Variants in FKBP1B observed in about 807,000 individuals in gnomAD.
The protein encoded by FKBP1B is FKBP prolyl isomerase 1B.
A neutral mutation model predicts 13.5 loss-of-function variants in FKBP1B; 4 were observed. The observed-to-expected ratio is 0.30, with a 90% CI of 0.15 to 0.68. FKBP1B has a LOEUF of 0.68. Among genes scored for constraint, FKBP1B ranks in the 30% least tolerant of loss-of-function variants. The pLI is 0.76. For synonymous variants in FKBP1B, 54 were observed against 53.6 expected (o/e 1.01, Z -0.03); for missense variants, 93 against 136.2 (o/e 0.68, Z 1.58).
upstream of FKBP1B, chr2:24,049,678 G>T: frequency 2.3e-6 from 1 of 428,254 alleles, no homozygotes; most frequent in East Asian, 3.6e-5. Flanking sequence ...CCGCCCCGCC[G>T]CCCCCTTGCC....
intron 2 of FKBP1B, among the ~76,000 whole-genome samples, chr2:24,059,427 T>C (rs1282576091): frequency 2.0e-5 from 3 of 151,588 alleles, no homozygotes; most frequent in Non-Finnish European, 1.5e-5. Flanking sequence ...GGAGGCCACC[T>C]CTGACCAGCT....
At chr2:24,049,484 G>C (rs1406843055), upstream of FKBP1B, 2 of 219,540 alleles carry the variant, frequency 9.1e-6, no homozygotes, top group African/African-American at 4.5e-5. Context: ...CTACAGATTA[G>C]ATGCTAAATA....
upstream of FKBP1B, among the ~76,000 whole-genome samples, chr2:24,047,057 T>C (rs972765515): frequency 5.3e-5 from 8 of 152,148 alleles, no homozygotes; most frequent in African/African-American, 1.9e-4. Context: ...TTCCTGACTT[T>C]GGATGACTTC....
upstream of FKBP1B, among the ~76,000 whole-genome samples, chr2:24,048,745 C>G (rs572952625): frequency 2.1e-3 from 314 of 152,148 alleles, no homozygotes; most frequent in African/African-American, 7.4e-3. Flanking sequence ...TTCTAGATTC[C>G]TGAATGTATT....
chr2:24,051,110 C>T (rs1054177225), intron 1 of FKBP1B, among the ~76,000 whole-genome samples: 9 of 152,024 alleles, frequency 5.9e-5, no homozygotes, highest in African/African-American at 1.2e-4. Context: ...CTGAGGCGGG[C>T]GGATCACAAG....
chr2:24,060,799 T>A lies in FKBP1B; in HGVS notation c.86-15T>A. The A allele has an allele frequency of 1.9e-6, 3 of 1,604,260 alleles. No homozygotes were observed. Among genetic ancestry groups the A allele is most frequent in the Non-Finnish European group, 2.6e-6 (3 of 1,171,126 alleles). Reference sequence around the variant, plus strand: ...ATGACCACAGCTCTATTGCACCCGATTCTTGCTTTGACAGGAATGCTCCAA... The same window carrying A: ...ATGACCACAGCTCTATTGCACCCGAATCTTGCTTTGACAGGAATGCTCCAA... On this transcript the variant is annotated splice_polypyrimidine_tract_variant and intron_variant, in intron 2 of 3. Coordinates refer to ENST00000380986, the MANE Select transcript of FKBP1B (RefSeq NM_004116.5).
chr2:24,051,227 G>C (rs928072426), intron 1 of FKBP1B, among the ~76,000 whole-genome samples: 10 of 152,024 alleles, frequency 6.6e-5, no homozygotes, highest in African/African-American at 2.4e-4. Flanking sequence ...CCAGCTACTC[G>C]GGAGGCTGGG....
chr2:24,034,308 C>T, the FKBP1B span, among the ~76,000 whole-genome samples: 219 of 152,254 alleles, frequency 1.4e-3, 2 homozygotes, highest in African/African-American at 4.6e-3. Context: ...GTAATCCCAA[C>T]TACCTGGGTG....
At chr2:24,045,127 T>G (rs1452709413), upstream of FKBP1B, among the ~76,000 whole-genome samples, 1 of 152,164 alleles carries the variant, frequency 6.6e-6, no homozygotes, top group Non-Finnish European at 1.5e-5. Flanking sequence ...TGAAGCAAGT[T>G]TGCAACTATT....
chr2:24,038,220 G>C, the FKBP1B span: 1 of 1,614,172 alleles, frequency 6.2e-7, no homozygotes, highest in Non-Finnish European at 8.5e-7. Context: ...TAACAATCAA[G>C]CTAATGGCAT....
At chr2:24,035,094 A>G in the FKBP1B span, among the ~76,000 whole-genome samples, 18 of 151,904 alleles carry the variant, frequency 1.2e-4, no homozygotes, top group Admixed American at 3.3e-4. Context: ...ATATTTAGCT[A>G]TATCTGTGAT....
intron 2 of FKBP1B, among the ~76,000 whole-genome samples, chr2:24,055,110 A>G (rs1366096794): frequency 1.3e-5 from 2 of 152,102 alleles, no homozygotes; most frequent in African/African-American, 4.8e-5. Flanking sequence ...AGAACATACA[A>G]GCATAGAACC....
At chr2:24,036,213 T>C in the FKBP1B span, among the ~76,000 whole-genome samples, 3 of 150,186 alleles carry the variant, frequency 2.0e-5, no homozygotes, top group East Asian at 6.0e-4. Flanking sequence ...TTTAAAAAAA[T>C]GTAGGGTTGG....
chr2:24,039,306 C>A, the FKBP1B span: 2 of 1,614,228 alleles, frequency 1.2e-6, no homozygotes, highest in South Asian at 2.2e-5. Context: ...GGGCCCAGGA[C>A]AACCCACAGA....
chr2:24,049,629 C>A, upstream of FKBP1B: 2 of 371,462 alleles, frequency 5.4e-6, no homozygotes, highest in East Asian at 3.9e-5. Flanking sequence ...TCCCTTCCCC[C>A]GGGCCCCGCC....
chr2:24,039,296 G>A, the FKBP1B span: 7 of 1,614,092 alleles, frequency 4.3e-6, no homozygotes, highest in African/African-American at 1.3e-5. Flanking sequence ...GCAACAGGTG[G>A]GGCCCAGGAC....
chr2:24,050,114 G>T lies in FKBP1B; in HGVS notation c.37+228G>T, dbSNP rs1014904765. On this transcript the variant is annotated intron_variant, in intron 1 of 3. Coordinates refer to ENST00000380986, the MANE Select transcript of FKBP1B (RefSeq NM_004116.5). The surrounding 1 kb of genome is among the most constrained non-coding windows in gnomAD (Gnocchi z 5.8). ...TGTAGGCGGCAGCTCGGAGGCGGGG[G>T]TCTGCGGCCCGGAGGCGGGGGTCTG... 2.6e-5 allele frequency among the ~76,000 whole-genome samples: 4 copies of T among 151,934 alleles called. No homozygotes were observed. The highest frequency in any genetic ancestry group is 9.7e-5 in the African/African-American group (4 of 41,382).
the FKBP1B span, chr2:24,033,327 CGAGA>C: frequency 3.1e-6 from 1 of 324,558 alleles, no homozygotes; most frequent in East Asian, 7.8e-5. Flanking sequence ...AAAAAAATGC[CGAGA>C]GAGTGTCCTA....
the FKBP1B span, chr2:24,038,796 T>G: frequency 6.2e-7 from 1 of 1,614,230 alleles, no homozygotes; most frequent in Non-Finnish European, 8.5e-7. Context: ...AGGTTTCAGA[T>G]GCATTTAAGC....
Sources: gnomAD v4.1 joint callset for allele counts (sites outside exome capture counted in the v4.1 genomes callset) on GRCh38, gnomAD v4.1.1 for gene constraint, Gnocchi (gnomAD v3.1) non-coding constraint, MANE v1.5 for transcripts, NCBI Gene and HGNC (gene_info 2026-07-23, HGNC 2026-07-21) for gene names.